FRMD6: variants seen among roughly 807,000 people sequenced by gnomAD.
The protein encoded by FRMD6 is FERM domain-containing protein 6.
In FRMD6, 37 loss-of-function variants were observed where a neutral mutation model predicts 73.2. That is an observed-to-expected ratio of 0.51 (90% confidence interval 0.39 to 0.66). The LOEUF (loss-of-function observed/expected upper bound fraction) is 0.66. Ranked by LOEUF, FRMD6 falls within the 30% of genes least tolerant of loss-of-function variation. FRMD6 has a pLI of 0.00. For synonymous variants in FRMD6, 273 were observed against 282.2 expected, an observed-to-expected ratio of 0.97 and a Z score of 0.33; for missense variants, 714 against 780.5, an observed-to-expected ratio of 0.91 and a Z score of 1.02.
the FRMD6 span, among the ~76,000 whole-genome samples, chr14:51,459,672 A>G: frequency 1.3e-5 from 2 of 151,946 alleles, no homozygotes; most frequent in East Asian, 3.9e-4. Context: ...CTAAAAATAC[A>G]AAAAAATAGC....
chr14:51,402,119 T>C, the FRMD6 span, among the ~76,000 whole-genome samples: 1 of 152,208 alleles, frequency 6.6e-6, no homozygotes, highest in Non-Finnish European at 1.5e-5. Flanking sequence ...TTGGCAGATA[T>C]CTGTGTGGAT....
At chr14:51,722,348 T>C (rs935860736) in intron 12 of FRMD6, among the ~76,000 whole-genome samples, 1 of 152,224 alleles carries the variant, frequency 6.6e-6, no homozygotes, top group Non-Finnish European at 1.5e-5. Flanking sequence ...GTTCTCTTTA[T>C]GTTATGCTGT....
the FRMD6 span, among the ~76,000 whole-genome samples, chr14:51,401,070 G>A: frequency 6.6e-6 from 1 of 152,102 alleles, no homozygotes; most frequent in Non-Finnish European, 1.5e-5. Context: ...CTTCAGAAAG[G>A]TTTTCCTGAA....
chr14:51,626,977 T>C (rs1240932505), intron 2 of FRMD6, among the ~76,000 whole-genome samples: 7 of 152,206 alleles, frequency 4.6e-5, no homozygotes, highest in Admixed American at 4.6e-4. Context: ...TGAGAGAGCA[T>C]TTGCAGTTTT....
intron 2 of FRMD6, among the ~76,000 whole-genome samples, chr14:51,638,355 C>T (rs1412580772): frequency 6.6e-6 from 1 of 152,136 alleles, no homozygotes; most frequent in Non-Finnish European, 1.5e-5. Context: ...TGCCAATCCC[C>T]AATGCCAGTG....
the FRMD6 span, among the ~76,000 whole-genome samples, chr14:51,442,546 C>A: frequency 6.6e-6 from 1 of 152,170 alleles, no homozygotes; most frequent in African/African-American, 2.4e-5. Flanking sequence ...TCTAGAAAGC[C>A]TCTGCCTTGC....
intron 2 of FRMD6, among the ~76,000 whole-genome samples, chr14:51,585,047 T>C (rs1888949715): frequency 6.6e-6 from 1 of 152,234 alleles, no homozygotes; most frequent in Non-Finnish European, 1.5e-5. Context: ...ACACAGTAGC[T>C]GTCATTGTTG....
intron 1 of FRMD6, among the ~76,000 whole-genome samples, chr14:51,540,951 A>G (rs1886170525): frequency 6.6e-6 from 1 of 152,096 alleles, no homozygotes; most frequent in South Asian, 2.1e-4. Context: ...ACTTTTTTAG[A>G]CTAATATATT....
the FRMD6 span, among the ~76,000 whole-genome samples, chr14:51,474,063 C>T: frequency 2.6e-5 from 4 of 152,174 alleles, no homozygotes; most frequent in Non-Finnish European, 4.4e-5. Flanking sequence ...GAATCTATGT[C>T]ACTTGCCCTA....
At chr14:51,648,383 G>C (rs1400650894), upstream of FRMD6, among the ~76,000 whole-genome samples, 4 of 152,126 alleles carry the variant, frequency 2.6e-5, no homozygotes, top group Non-Finnish European at 5.9e-5. Flanking sequence ...TGTTCACTCT[G>C]TGTCCTCTGC....
chr14:51,572,220 A>C (rs1038277240), intron 2 of FRMD6, among the ~76,000 whole-genome samples: 2 of 152,226 alleles, frequency 1.3e-5, no homozygotes, highest in Non-Finnish European at 2.9e-5. Context: ...TTGGAGCAAA[A>C]TTTGAAAAGC....
chr14:51,462,784 A>AAG, the FRMD6 span, among the ~76,000 whole-genome samples: 19,487 of 149,454 alleles, frequency 0.13, 1,341 homozygotes, highest in Non-Finnish European at 0.16. Context: ...ATAAGGGAGG[A>AAG]AGAGAGAGAG....
chr14:51,445,356 G>A, the FRMD6 span, among the ~76,000 whole-genome samples: 4 of 152,166 alleles, frequency 2.6e-5, no homozygotes, highest in East Asian at 5.8e-4. Flanking sequence ...AAAGCCAGTG[G>A]TTGGGTCTGG....
chr14:51,504,350 A>G (rs1299617785), intron 1 of FRMD6, among the ~76,000 whole-genome samples: 1 of 152,200 alleles, frequency 6.6e-6, no homozygotes, highest in Non-Finnish European at 1.5e-5. Context: ...GCCTGAACGC[A>G]CCTGTAGGAG....
chr14:51,506,035 A>T (rs998643794), intron 1 of FRMD6, among the ~76,000 whole-genome samples: 2 of 152,136 alleles, frequency 1.3e-5, no homozygotes, highest in African/African-American at 4.8e-5. Context: ...TACAGAATAA[A>T]GTCTAAACTC....
intron 1 of FRMD6, among the ~76,000 whole-genome samples, chr14:51,683,623 C>G (rs1594726680): frequency 6.6e-6 from 1 of 152,166 alleles, no homozygotes; most frequent in South Asian, 2.1e-4. Flanking sequence ...CTTTCCCACC[C>G]AAATAACCTG....
intron 1 of FRMD6, among the ~76,000 whole-genome samples, chr14:51,509,243 G>C (rs547384094): frequency 6.6e-6 from 1 of 152,314 alleles, no homozygotes; most frequent in Admixed American, 6.5e-5. Flanking sequence ...ACGAGTCATA[G>C]CCAGGTGCAG....
At chr14:51,605,240 A>C (rs1890207643) in intron 2 of FRMD6, among the ~76,000 whole-genome samples, 1 of 68,612 alleles carries the variant, frequency 1.5e-5, no homozygotes, top group African/African-American at 3.5e-5. Context: ...CAGCAGATAA[A>C]CAAGTGAACA....
chr14:51,607,903 A>G (rs958803621), intron 2 of FRMD6, among the ~76,000 whole-genome samples: 1 of 152,140 alleles, frequency 6.6e-6, no homozygotes, highest in Non-Finnish European at 1.5e-5. Flanking sequence ...TCTCACAGTC[A>G]CAGCACTTGC....
Sources: allele counts gnomAD v4.1 joint callset (sites outside exome capture counted in the v4.1 genomes callset), GRCh38; gene constraint gnomAD v4.1.1; transcripts MANE v1.5; gene names NCBI Gene and HGNC (gene_info 2026-07-23, HGNC 2026-07-21).